CASD1: variants seen among roughly 807,000 people sequenced by gnomAD.
The protein encoded by CASD1 is CAS1 domain sialic acid O acetyltransferase 1, also known as N-acetylneuraminate (7)9-O-acetyltransferase.
CASD1 carries 41 observed loss-of-function variants against 100.0 expected under a neutral mutation model. That is an observed-to-expected ratio of 0.41 (90% CI 0.32 to 0.53). The LOEUF (loss-of-function observed/expected upper bound fraction) is 0.53, where lower values mean the gene tolerates loss of function less well. CASD1 is among the 20% of genes least tolerant of loss of function. The probability of loss-of-function intolerance (pLI) is 0.25; values close to 1 mark genes in which losing one functional copy is unlikely to be tolerated. For missense variants in CASD1, 774 were observed against 948.7 expected, an observed-to-expected ratio of 0.82 and a Z score of 2.42; for synonymous variants, 321 against 315.6, an observed-to-expected ratio of 1.02 and a Z score of -0.18.
chr7:94,592,727 C>G, the CASD1 span, among the ~76,000 whole-genome samples: 1 of 151,994 alleles, frequency 6.6e-6, no homozygotes, highest in Admixed American at 6.6e-5. Flanking sequence ...ATTTGACATT[C>G]TTGGATACCC....
In CASD1 at chr7:94,549,523, CT is replaced by C; in HGVS notation, c.1714-4del. ...CCATCTTAATTTATTTTCTGGATTC[CT>C]TTTTTCAGGGTGCATTTGAGAAGAT... is the stretch of plus-strand genomic sequence containing the variant. On this transcript the variant is annotated splice_polypyrimidine_tract_variant and intron_variant, in intron 13 of 17. Transcript: ENST00000297273. 2 of 1,588,338 alleles carry C rather than the reference CT, an allele frequency of 1.3e-6. No homozygotes were observed. Among genetic ancestry groups the C allele is most frequent in the South Asian group, 1.1e-5 (1 of 87,318 alleles).
At position 94,518,030 on chromosome 7, in the gene CASD1, A is replaced by T. The variant is rs1794064807; in HGVS notation, c.231-173A>T. 1.3e-5 allele frequency among the ~76,000 whole-genome samples: 2 copies of T among 152,240 alleles called. 1 individual carries two copies. The highest frequency in any genetic ancestry group is 4.1e-4 in the South Asian group (2 of 4,822). ...TGTATCGAGCTATTACAGAGAGTTA[A>T]CTGATTACAGGAACGTGGAGTGGTA... On this transcript the variant is annotated intron_variant, in intron 2 of 17. Transcript: ENST00000297273.
chr7:94,587,691 A>G, the CASD1 span: 3 of 1,532,258 alleles, frequency 2.0e-6, no homozygotes, highest in Non-Finnish European at 2.6e-6. Flanking sequence ...GTTAGCATTT[A>G]ATTAAAGCAA....
chr7:94,628,180 G>T, the CASD1 span: 1 of 1,573,484 alleles, frequency 6.4e-7, no homozygotes, highest in South Asian at 1.1e-5. Context: ...GTATAGTTTT[G>T]CTCTTTCTAG....
Position 94,555,545 on chromosome 7 carries a change from G to A in CASD1, c.2181G>A (p.Leu727=), listed in dbSNP as rs1405336984. The change falls in exon 18 of 18, where the codon TTG becomes TTA. Residue 727 remains leucine (L), a synonymous_variant. Coordinates refer to ENST00000297273, the MANE Select transcript of CASD1 (RefSeq NM_022900.5). ...TGGCAGCGGACACAAGGGGTATCTTGGTACTGATACCTGGAAACCCTATGC... is the reference window on the plus strand; with the variant it reads ...TGGCAGCGGACACAAGGGGTATCTTAGTACTGATACCTGGAAACCCTATGC... The part of the protein sequence containing the change: ...IWLAADTRGI[L]VLIPGNPMLN... The A allele has an allele frequency of 2.5e-6, 4 of 1,612,936 alleles. No individual in the cohort carries two copies. Among genetic ancestry groups the A allele is most frequent in the Non-Finnish European group, 1.7e-6 (2 of 1,179,298 alleles).
intron 1 of CASD1, among the ~76,000 whole-genome samples, chr7:94,516,902 T>C (rs919919862): frequency 1.4e-5 from 2 of 137,996 alleles, no homozygotes; most frequent in Admixed American, 7.1e-5. Flanking sequence ...TCCCTTAAAC[T>C]TTTTTTTTTT....
rs114081480 is a variant in CASD1 at position 94,523,813 on chromosome 7, G to A, written c.352-3349G>A. Among the ~76,000 whole-genome samples, 452 of 152,242 alleles carry A rather than the reference G, an allele frequency of 3.0e-3. 3 individuals are homozygous for A. The highest frequency in any genetic ancestry group is 0.01 in the African/African-American group (421 of 41,548). ...CAATATCAAGATTTAATTTTACCTTGTAGTAATTAAAACAGTGTGGTATTG... is the reference window on the plus strand; with the variant it reads ...CAATATCAAGATTTAATTTTACCTTATAGTAATTAAAACAGTGTGGTATTG... On this transcript the variant is annotated intron_variant, in intron 3 of 17. Transcript: ENST00000297273.
downstream of CASD1, among the ~76,000 whole-genome samples, chr7:94,561,360 A>G (rs1191554316): frequency 6.6e-6 from 1 of 152,188 alleles, no homozygotes; most frequent in East Asian, 1.9e-4. Flanking sequence ...CTTCATTCAG[A>G]TACCTCAATG....
At chr7:94,546,057 C>T (rs1381214164) in intron 12 of CASD1, among the ~76,000 whole-genome samples, 1 of 151,850 alleles carries the variant, frequency 6.6e-6, no homozygotes, top group African/African-American at 2.4e-5. Flanking sequence ...CCAAATAGGC[C>T]TCCATGCCCC....
intron 10 of CASD1, among the ~76,000 whole-genome samples, chr7:94,542,742 C>T (rs550853831): frequency 3.3e-5 from 5 of 152,170 alleles, no homozygotes; most frequent in South Asian, 2.1e-4. Flanking sequence ...AGGCAATCCA[C>T]GAAGGGGATA....
rs1331279151 is a variant in CASD1, at chr7:94,555,594, A to G, written c.2230A>G (p.Ile744Val). The G allele has an allele frequency of 6.8e-6, 11 of 1,613,418 alleles. No individual in the cohort carries two copies. Among genetic ancestry groups the G allele is most frequent in the Non-Finnish European group, 4.2e-6 (5 of 1,179,694 alleles). Reference protein sequence around the residue: ...PMLNIIVSTFIFVCVAHEISQ... With the variant: ...PMLNIIVSTFVFVCVAHEISQ... The stretch of plus-strand genomic sequence containing the variant: ...GCTCAACATCATTGTCAGCACTTTC[A>G]TATTTGTTTGTGTGGCACATGAAAT... Residue 744 changes from isoleucine (I) to valine (V), a missense_variant, in exon 18 of 18, where the codon ATA becomes GTA. Physicochemically the swap from Ile to Val is conservative, Grantham distance 29. Coordinates refer to ENST00000297273, the MANE Select transcript of CASD1 (RefSeq NM_022900.5).
the CASD1 span, among the ~76,000 whole-genome samples, chr7:94,562,780 G>A: frequency 1.1e-4 from 16 of 152,074 alleles, no homozygotes; most frequent in South Asian, 2.1e-4. Context: ...CCCTTATGAC[G>A]TAGCAATAAC....
chr7:94,602,669 A>G, the CASD1 span, among the ~76,000 whole-genome samples: 1 of 152,114 alleles, frequency 6.6e-6, no homozygotes, highest in Non-Finnish European at 1.5e-5. Context: ...TATAATATAA[A>G]ATATGCAAAC....
chr7:94,623,985 C>A, the CASD1 span: 1 of 385,480 alleles, frequency 2.6e-6, no homozygotes, highest in Non-Finnish European at 4.6e-6. Flanking sequence ...TCCCTTCATA[C>A]GGGCAAATAT....
chr7:94,550,790 AC>A (rs1344846035), intron 14 of CASD1, among the ~76,000 whole-genome samples: 1 of 152,062 alleles, frequency 6.6e-6, no homozygotes, highest in Non-Finnish European at 1.5e-5. Context: ...GATTCAACTT[AC>A]GATTTTGAGT....
the CASD1 span, among the ~76,000 whole-genome samples, chr7:94,607,932 CTTCCAAAACA>C: frequency 6.6e-6 from 1 of 152,110 alleles, no homozygotes; most frequent in Non-Finnish European, 1.5e-5. Context: ...CAGTAATAAC[CTTCCAAAACA>C]GAAAGCATCA....
chr7:94,604,312 A>G, the CASD1 span, among the ~76,000 whole-genome samples: 2 of 152,102 alleles, frequency 1.3e-5, no homozygotes, highest in Non-Finnish European at 2.9e-5. Context: ...ATGACAATGT[A>G]AAATGAAGTA....
downstream of CASD1, among the ~76,000 whole-genome samples, chr7:94,561,571 C>T (rs1049444452): frequency 6.6e-6 from 1 of 152,022 alleles, no homozygotes; most frequent in Non-Finnish European, 1.5e-5. Context: ...ACCTAAATGG[C>T]CCATCTGTCT....
Position 94,549,164 on chromosome 7 carries a change from C to G in CASD1, c.1714-369C>G, listed in dbSNP as rs868560366. On this transcript the variant is annotated intron_variant, in intron 13 of 17. Transcript: ENST00000297273. ...TATTTTTCTGTTTGATGAGTAAATA[C>G]TAGTTATTTTGTCTGTGAGATTAAA... Among the ~76,000 whole-genome samples the G allele has an allele frequency of 5.9e-5, 9 of 151,918 alleles. No individual in the cohort carries two copies. In the Middle Eastern group the frequency reaches 0.01, roughly 172 times the overall value.
Sources: gnomAD v4.1 joint callset for allele counts (sites outside exome capture counted in the v4.1 genomes callset) on GRCh38, gnomAD v4.1.1 for gene constraint, MANE v1.5 for transcripts, NCBI Gene and HGNC (gene_info 2026-07-23, HGNC 2026-07-21) for gene names.